The following CCDC81 variants were observed in gnomAD, a reference collection of about 807,000 sequenced individuals.
CCDC81 encodes coiled-coil domain-containing protein 81.
A neutral mutation model predicts 83.7 loss-of-function variants in CCDC81; 79 were observed. The observed-to-expected ratio is 0.94, with a 90% CI of 0.79 to 1.14. The LOEUF is 1.14. Among genes scored for constraint, CCDC81 ranks in the 50% most tolerant of loss-of-function variants. The pLI is 0.00. For missense variants in CCDC81, 791 were observed against 778.1 expected (o/e 1.02, Z -0.20); for synonymous variants, 252 against 278.1 (o/e 0.91, Z 0.93).
intron 10 of CCDC81, among the ~76,000 whole-genome samples, chr11:86,410,999 A>G (rs546868540): frequency 6.6e-6 from 1 of 152,300 alleles, no homozygotes; most frequent in Non-Finnish European, 1.5e-5. Flanking sequence ...CACTGCTTGC[A>G]TTCTTGCTCT....
At chr11:86,377,400 C>G (rs1948111781) in intron 1 of CCDC81, among the ~76,000 whole-genome samples, 1 of 152,150 alleles carries the variant, frequency 6.6e-6, no homozygotes, top group Non-Finnish European at 1.5e-5. Flanking sequence ...AGGGGCTGTA[C>G]TATGTTGCAT....
chr11:86,394,683 G>A (rs192818571), intron 4 of CCDC81, among the ~76,000 whole-genome samples: 1 of 152,006 alleles, frequency 6.6e-6, no homozygotes, highest in African/African-American at 2.4e-5. Context: ...CACTTCAAAG[G>A]CTTTTGTAAG....
chr11:86,408,149 A>G lies in CCDC81; in HGVS notation c.992A>G (p.Gln331Arg). The G allele has an allele frequency of 6.2e-7, 1 of 1,612,972 alleles. No homozygotes were observed. Among genetic ancestry groups the G allele is most frequent in the Non-Finnish European group, 8.5e-7 (1 of 1,179,788 alleles). Reference sequence around the variant, plus strand: ...TAGGAAATGTGCTATGTATGTTTGCAACGAGCACAACGAAATTCCCTGTTG... The same window carrying G: ...TAGGAAATGTGCTATGTATGTTTGCGACGAGCACAACGAAATTCCCTGTTG... ...AGQEMCYVCLQRAQRNSLLYY... is the reference protein window; with the variant it reads ...AGQEMCYVCLRRAQRNSLLYY... The change falls in exon 9 of 15, where the codon CAA becomes CGA. Residue 331 changes from glutamine to arginine, a missense_variant. By Grantham distance (43) the Gln-to-Arg change is conservative. Coordinates refer to ENST00000445632, the MANE Select transcript of CCDC81 (RefSeq NM_001156474.2).
chr11:86,419,790 T>A, intron 13 of CCDC81, 138 bp from the exon 14 acceptor site: 1 of 777,166 alleles, frequency 1.3e-6, no homozygotes, highest in Non-Finnish European at 1.9e-6. Context: ...TTTTACAGTG[T>A]TCATGCTTTT....
In CCDC81 at chr11:86,415,116, G is replaced by GC. The variant is rs1158237366; in HGVS notation, c.1500dup (p.Phe501LeufsTer2). ...AGATAAAGAACAAACCCTCTCGGCTGCCCCCCTTTGAGCCAGACTCCTCTG... is the reference window on the plus strand; with the variant it reads ...AGATAAAGAACAAACCCTCTCGGCTGCCCCCCCTTTGAGCCAGACTCCTCTG... On this transcript the variant is annotated frameshift_variant, in exon 13 of 15. Transcript: ENST00000445632. LOFTEE classifies it high-confidence loss of function. 1 of 1,614,006 alleles carries GC rather than the reference G, an allele frequency of 6.2e-7. No individual in the cohort carries two copies. The highest frequency in any genetic ancestry group is 8.5e-7 in the Non-Finnish European group (1 of 1,180,030).
At position 86,422,903 on chromosome 11, in the gene CCDC81, C is replaced by T; in HGVS notation, c.*188C>T. On this transcript the variant is annotated 3_prime_UTR_variant, in exon 15 of 15. Transcript: ENST00000445632. The stretch of plus-strand genomic sequence containing the variant: ...CTTTCCTCCCACCCCCAATTATTTC[C>T]TATACTAGTTTCTGATGGCAGTGAA... 2 of 601,616 alleles carry T rather than the reference C, an allele frequency of 3.3e-6. No homozygotes were observed. Among genetic ancestry groups the T allele is most frequent in the Non-Finnish European group, 5.7e-6 (2 of 348,550 alleles). 37.3% of individuals were successfully genotyped at this position (601,616 alleles called of 1,614,324 possible). A position where few individuals can be genotyped will look rare whatever the true frequency, so the allele number is the denominator to read the frequency against.
intron 13 of CCDC81, 89 bp downstream of exon 13, chr11:86,415,402 C>A: frequency 1.0e-6 from 1 of 953,102 alleles, no homozygotes; most frequent in Non-Finnish European, 1.6e-6. Flanking sequence ...CCCTGCCCCT[C>A]ATCTTTCTCA....
chr11:86,377,968 CTTTTTTTTTT>C (rs61157417), intron 1 of CCDC81, among the ~76,000 whole-genome samples: 9 of 73,352 alleles, frequency 1.2e-4, no homozygotes, highest in South Asian at 6.2e-4. Context: ...TGCCTAGGTT[CTTTTTTTTTT>C]TTTTTTTTTT....
chr11:86,410,106 T>C (rs1033970761), intron 10 of CCDC81, among the ~76,000 whole-genome samples: 3 of 152,202 alleles, frequency 2.0e-5, no homozygotes, highest in African/African-American at 7.2e-5. Flanking sequence ...TGCATTAATG[T>C]TTGAGAAACT....
intron 1 of CCDC81, among the ~76,000 whole-genome samples, chr11:86,381,697 G>A (rs1252159814): frequency 6.6e-6 from 1 of 152,176 alleles, no homozygotes; most frequent in African/African-American, 2.4e-5. Flanking sequence ...ATGGACCCAA[G>A]AAGAGTTGTT....
chr11:86,420,719 A>T (rs536115597), intron 14 of CCDC81, among the ~76,000 whole-genome samples: 1 of 152,366 alleles, frequency 6.6e-6, no homozygotes, highest in East Asian at 1.9e-4. Flanking sequence ...TAAAATTTGT[A>T]GAATGGATCT....
chr11:86,420,613 T>A (rs1948777435), intron 14 of CCDC81, among the ~76,000 whole-genome samples: 1 of 152,174 alleles, frequency 6.6e-6, no homozygotes, highest in Non-Finnish European at 1.5e-5. Flanking sequence ...GTTAAAAATG[T>A]GATGAAACAG....
intron 3 of CCDC81, among the ~76,000 whole-genome samples, chr11:86,391,920 C>A (rs1394115999): frequency 6.6e-6 from 1 of 152,158 alleles, no homozygotes; most frequent in Non-Finnish European, 1.5e-5. Flanking sequence ...GCAGTCATGT[C>A]TTACAAGGCT....
In CCDC81 at chr11:86,392,743, A is replaced by C. The variant is rs994746235; in HGVS notation, c.501A>C (p.Lys167Asn). ...RDSKVKMRFY[K>N]DFLCTMDGSG... ...GCAAAGTGAAGATGAGGTTTTATAA[A>C]GACTTCCTTTGTACCATGGATGGAA... Residue 167 changes from lysine (K) to asparagine (N), a missense_variant, in exon 4 of 15, where the codon AAA becomes AAC. Coordinates refer to ENST00000445632, the MANE Select transcript of CCDC81 (RefSeq NM_001156474.2). The C allele has an allele frequency of 6.4e-7, 1 of 1,551,678 alleles. No homozygotes were observed.
chr11:86,392,088 A>T (rs1948338650), intron 3 of CCDC81, among the ~76,000 whole-genome samples: 1 of 152,214 alleles, frequency 6.6e-6, no homozygotes. Context: ...ACCTCCCAAT[A>T]GGCCCCACCT....
At chr11:86,419,834 G>A in intron 13 of CCDC81, 94 bp from the exon 14 acceptor site, 1 of 1,376,764 alleles carries the variant, frequency 7.3e-7, no homozygotes, top group South Asian at 1.7e-5. Context: ...AAAACCAGAA[G>A]GTTTTTTTTG....
chr11:86,422,604 G>GCT lies in CCDC81; in HGVS notation c.1848_1849insCT (p.Cys617LeufsTer26). 1 of 1,613,972 alleles carries GCT rather than the reference G, an allele frequency of 6.2e-7. No homozygotes were observed. The highest frequency in any genetic ancestry group is 8.5e-7 in the Non-Finnish European group (1 of 1,179,896). ...CAGACAAGCTGTTTCTCCTAGACCA[G>GCT]TGTGAGAAGTATCGGCGCTGCAAGC... On this transcript the variant is annotated frameshift_variant, in exon 15 of 15. Coordinates refer to ENST00000445632, the MANE Select transcript of CCDC81 (RefSeq NM_001156474.2). LOFTEE classifies it high-confidence loss of function.
chr11:86,409,883 C>T (rs1197588555), intron 10 of CCDC81, among the ~76,000 whole-genome samples: 1 of 152,192 alleles, frequency 6.6e-6, no homozygotes, highest in Admixed American at 6.5e-5. Flanking sequence ...CTAGTCACTG[C>T]AGGTCTTGTT....
At chr11:86,414,595 C>T (rs1948689739) in intron 11 of CCDC81, 194 bp from the exon 12 acceptor site, 1 of 547,556 alleles carries the variant, frequency 1.8e-6, no homozygotes, top group Non-Finnish European at 3.2e-6. Flanking sequence ...ACATGAGCCA[C>T]TGTGCCTGGC....
Sources: allele counts gnomAD v4.1 joint callset (sites outside exome capture counted in the v4.1 genomes callset), GRCh38; gene constraint gnomAD v4.1.1; transcripts MANE v1.5; gene names NCBI Gene and HGNC (gene_info 2026-07-23, HGNC 2026-07-21).